Variants in NTM observed in about 807,000 individuals in gnomAD.
The protein encoded by NTM is IgLON family member 2.
Under a neutral mutation model 42.1 loss-of-function variants are expected in NTM, and 13 were observed. That is an observed-to-expected ratio of 0.31 (90% CI 0.20 to 0.49). The LOEUF (loss-of-function observed/expected upper bound fraction) is 0.49. Among genes scored for constraint, NTM ranks in the 20% least tolerant of loss-of-function variants. The probability of loss-of-function intolerance (pLI) is 0.99; values close to 1 mark genes in which losing one functional copy is unlikely to be tolerated. For synonymous variants in NTM, 187 were observed against 179.2 expected, an observed-to-expected ratio of 1.04 and a Z score of -0.35; for missense variants, 373 against 452.8, an observed-to-expected ratio of 0.82 and a Z score of 1.60.
At chr11:131,882,772 G>T (rs1346347891) in intron 1 of NTM, among the ~76,000 whole-genome samples, 1 of 152,156 alleles carries the variant, frequency 6.6e-6, no homozygotes, top group East Asian at 1.9e-4. Context: ...GGGTTCTGAG[G>T]CAGGCAACTC....
intron 2 of NTM, among the ~76,000 whole-genome samples, chr11:132,005,999 G>A (rs956393080): frequency 6.6e-6 from 1 of 152,204 alleles, no homozygotes; most frequent in Non-Finnish European, 1.5e-5. Context: ...GCCCATTCAT[G>A]TGGATAAGAG....
intron 3 of NTM, among the ~76,000 whole-genome samples, chr11:132,199,863 C>T (rs1047458592): frequency 3.3e-5 from 5 of 151,796 alleles, no homozygotes; most frequent in Non-Finnish European, 7.4e-5. Flanking sequence ...GGTTGCGTCC[C>T]TCCAATCTCG....
chr11:131,934,091 C>T (rs2058949312), intron 2 of NTM, among the ~76,000 whole-genome samples: 1 of 152,078 alleles, frequency 6.6e-6, no homozygotes, highest in Non-Finnish European at 1.5e-5. Context: ...CAGCACTGGT[C>T]TTTTTTATGT....
At chr11:132,172,414 C>T (rs565482660) in intron 3 of NTM, among the ~76,000 whole-genome samples, 2 of 152,248 alleles carry the variant, frequency 1.3e-5, no homozygotes, top group African/African-American at 2.4e-5. Flanking sequence ...TGTCTCTGCC[C>T]AAGAAATGGT....
chr11:131,567,672 T>C (rs1166512887), intron 1 of NTM, among the ~76,000 whole-genome samples: 1 of 152,338 alleles, frequency 6.6e-6, no homozygotes, highest in Non-Finnish European at 1.5e-5. Flanking sequence ...TTTTAATAAA[T>C]AGTGATAATT....
chr11:132,166,167 C>T (rs1055252770), intron 3 of NTM, among the ~76,000 whole-genome samples: 2 of 152,088 alleles, frequency 1.3e-5, no homozygotes, highest in Admixed American at 1.3e-4. Context: ...AGCAGCTCAG[C>T]AAAAGTGCCA....
At chr11:131,749,681 C>A (rs1303939686) in intron 1 of NTM, among the ~76,000 whole-genome samples, 1 of 152,178 alleles carries the variant, frequency 6.6e-6, no homozygotes, top group African/African-American at 2.4e-5. Flanking sequence ...TCACTGCAAC[C>A]TCTGCCTTCC....
intron 1 of NTM, among the ~76,000 whole-genome samples, chr11:131,723,731 T>C (rs1340768083): frequency 6.6e-6 from 1 of 152,200 alleles, no homozygotes; most frequent in Non-Finnish European, 1.5e-5. Flanking sequence ...TCTTGTGTCT[T>C]TCCTTTTTCA....
chr11:132,217,344 C>A (rs2084060586), intron 4 of NTM, among the ~76,000 whole-genome samples: 1 of 144,626 alleles, frequency 6.9e-6, no homozygotes, highest in African/African-American at 2.6e-5. Context: ...CTCTTTCTCT[C>A]TCTCTCTCTC....
At chr11:132,144,215 T>A (rs914687638) in intron 2 of NTM, among the ~76,000 whole-genome samples, 1 of 152,136 alleles carries the variant, frequency 6.6e-6, no homozygotes, top group Non-Finnish European at 1.5e-5. Context: ...AACTTCTAGA[T>A]GTGACTCAAG....
chr11:131,677,802 C>T (rs79511252), intron 1 of NTM, among the ~76,000 whole-genome samples: 5,379 of 152,286 alleles, frequency 0.035, 313 homozygotes, highest in African/African-American at 0.12. Flanking sequence ...ACATTACCAG[C>T]GCCCTGCAGA....
chr11:132,068,279 A>C (rs1323668901), intron 2 of NTM, among the ~76,000 whole-genome samples: 1 of 152,306 alleles, frequency 6.6e-6, no homozygotes, highest in Middle Eastern at 3.4e-3. Context: ...ATTTTTGCTC[A>C]CATTTTACTA....
chr11:131,907,821 C>A (rs928688314), intron 1 of NTM, among the ~76,000 whole-genome samples: 1 of 152,106 alleles, frequency 6.6e-6, no homozygotes, highest in Non-Finnish European at 1.5e-5. Context: ...TTTTATGAAG[C>A]AGGAGACAGG....
intron 2 of NTM, among the ~76,000 whole-genome samples, chr11:132,070,430 T>C: frequency 7.4e-6 from 1 of 134,758 alleles, no homozygotes; most frequent in Non-Finnish European, 1.6e-5. Context: ...CGTCACAGGT[T>C]AGTTAACACG....
At chr11:132,218,930 T>C (rs2084512898) in intron 4 of NTM, among the ~76,000 whole-genome samples, 3 of 152,212 alleles carry the variant, frequency 2.0e-5, no homozygotes, top group Admixed American at 2.0e-4. Flanking sequence ...CTTGCACTAC[T>C]CACTGGCTGG....
At chr11:132,303,397 T>C (rs2094939227) in intron 4 of NTM, among the ~76,000 whole-genome samples, 1 of 152,212 alleles carries the variant, frequency 6.6e-6, no homozygotes, top group South Asian at 2.1e-4. Flanking sequence ...GCATCACTCC[T>C]ATCACATGGT....
At chr11:131,525,402 G>A (rs377578276) in intron 1 of NTM, among the ~76,000 whole-genome samples, 4 of 152,326 alleles carry the variant, frequency 2.6e-5, no homozygotes, top group Admixed American at 6.5e-5. Flanking sequence ...GTTTGCAGGC[G>A]AGACAAGGGA....
chr11:131,498,977 C>T (rs2046391780), intron 1 of NTM, among the ~76,000 whole-genome samples: 2 of 152,154 alleles, frequency 1.3e-5, no homozygotes. Context: ...CTGGCACTGC[C>T]TTCTGGGGAG....
At chr11:131,885,788 G>A (rs889812605) in intron 1 of NTM, among the ~76,000 whole-genome samples, 15 of 152,172 alleles carry the variant, frequency 9.9e-5, no homozygotes, top group African/African-American at 3.6e-4. Flanking sequence ...GGCTCCCTGG[G>A]GCCCAGGTTC....
Sources: allele counts gnomAD v4.1 joint callset (sites outside exome capture counted in the v4.1 genomes callset), GRCh38; gene constraint gnomAD v4.1.1; transcripts MANE v1.5; gene names NCBI Gene and HGNC (gene_info 2026-07-23, HGNC 2026-07-21).